The following MACF1 variants were observed in gnomAD, a reference collection of about 807,000 sequenced individuals.
The protein encoded by MACF1 is microtubule-actin cross-linking factor 1.
Under a neutral mutation model 854.8 loss-of-function variants are expected in MACF1, and 193 were observed. That is an observed-to-expected ratio of 0.23 (90% confidence interval 0.20 to 0.25). The LOEUF (loss-of-function observed/expected upper bound fraction) is 0.25. Among genes scored for constraint, MACF1 ranks in the 10% least tolerant of loss-of-function variants. The pLI is 1.00. For synonymous variants in MACF1, 3,185 were observed against 3,226.7 expected (o/e 0.99, Z 0.44); for missense variants, 7,722 against 8,929.1 (o/e 0.86, Z 5.45).
At chr1:39,088,369 G>A (rs980160228) in intron 2 of MACF1, among the ~76,000 whole-genome samples, 3 of 152,174 alleles carry the variant, frequency 2.0e-5, no homozygotes, top group African/African-American at 4.8e-5. Flanking sequence ...GATTACAGGC[G>A]TGAGCCACCG....
At chr1:39,266,005 T>C (rs1425384067) in intron 6 of MACF1, among the ~76,000 whole-genome samples, 3 of 152,192 alleles carry the variant, frequency 2.0e-5, no homozygotes, top group African/African-American at 7.2e-5. Flanking sequence ...AGCTGGGAAG[T>C]TGAACCTAGG....
In MACF1 at chr1:39,331,879, G is replaced by A. The variant is rs755760458; in HGVS notation, c.5291G>A (p.Arg1764Gln). Reference sequence around the variant, plus strand: ...CTAATAGATAGGCAGGTCACTGTCCGGTTGCTGGAAGCTCAGCTTTTTGCT... The same window carrying A: ...CTAATAGATAGGCAGGTCACTGTCCAGTTGCTGGAAGCTCAGCTTTTTGCT... ...EGLIDRQVTV[R>Q]LLEAQLFAGG... Residue 1764 changes from arginine to glutamine, a missense_variant, in exon 37 of 101, where the codon CGG becomes CAG. Around this residue, in one of 15 missense-constraint regions of MACF1, gnomAD observed 1,531 missense variants for 1,601.6 expected, o/e 0.96. Transcript: ENST00000564288. 10 of 1,614,086 alleles carry A rather than the reference G, an allele frequency of 6.2e-6. No homozygotes were observed. Among genetic ancestry groups the A allele is most frequent in the Admixed American group, 3.3e-5 (2 of 60,012 alleles).
chr1:39,380,305 C>T lies in MACF1; in HGVS notation c.13580C>T (p.Ala4527Val). 1 of 1,613,572 alleles carries T rather than the reference C, an allele frequency of 6.2e-7. No homozygotes were observed. The highest frequency in any genetic ancestry group is 1.3e-5 in the African/African-American group (1 of 75,012). Residue 4527 changes from alanine to valine, a missense_variant, in exon 55 of 101, where the codon GCT becomes GTT. Ala to Val is a moderately conservative substitution (Grantham distance 64, BLOSUM62 0). This residue lies in a region of MACF1 where 2,807 missense variants were observed against 3,235.8 expected (regional missense o/e 0.87). Coordinates refer to ENST00000564288, the MANE Select transcript of MACF1 (RefSeq NM_001394062.1). ...ATTCAAAAAGTAAAGGAAGCCCTGG[C>T]TGGATTACTGGTGACATATCCCAAC... ...PKIQKVKEAL[A>V]GLLVTYPNSQ...
chr1:39,460,761 C>T lies in MACF1; in HGVS notation c.21490C>T (p.Arg7164Cys). 2 of 1,614,162 alleles carry T rather than the reference C, an allele frequency of 1.2e-6. No individual in the cohort carries two copies. The highest frequency in any genetic ancestry group is 1.7e-6 in the Non-Finnish European group (2 of 1,180,006). The change falls in exon 92 of 101, where the codon CGT becomes TGT. Residue 7164 changes from arginine to cysteine, a missense_variant. Arg to Cys is a radical substitution (Grantham distance 180, BLOSUM62 -3). Around this residue, in one of 15 missense-constraint regions of MACF1, gnomAD observed 153 missense variants for 342.5 expected, o/e 0.45. Coordinates refer to ENST00000564288, the MANE Select transcript of MACF1 (RefSeq NM_001394062.1). The surrounding 1 kb of genome is among the most constrained non-coding windows in gnomAD (Gnocchi z 4.1). ...TAAGGACCAGGATGGGAAGATAACACGTCAGGAGTTTATCGATGGCATTTT... is the reference window on the plus strand; with the variant it reads ...TAAGGACCAGGATGGGAAGATAACATGTCAGGAGTTTATCGATGGCATTTT... ...IDKDQDGKIT[R>C]QEFIDGILAS... is the part of the protein sequence containing the mutation.
chr1:39,387,115 T>G (rs535640071), intron 57 of MACF1, 72 bp from the exon 58 acceptor site: 1 of 1,527,538 alleles, frequency 6.5e-7, no homozygotes, highest in South Asian at 1.3e-5. Context: ...GATTAGACCG[T>G]ATACTCTCAG....
At chr1:39,171,295 T>C (rs965100294) in intron 2 of MACF1, among the ~76,000 whole-genome samples, 2 of 152,032 alleles carry the variant, frequency 1.3e-5, no homozygotes, top group African/African-American at 2.4e-5. Flanking sequence ...AAAAAATTGA[T>C]CATTGTAAGT....
chr1:39,221,732 C>T (rs1644654835), intron 1 of MACF1, among the ~76,000 whole-genome samples: 1 of 152,188 alleles, frequency 6.6e-6, no homozygotes, highest in Non-Finnish European at 1.5e-5. Flanking sequence ...GGTACCTGCC[C>T]TCTTCTTTAC....
intron 26 of MACF1, among the ~76,000 whole-genome samples, chr1:39,311,911 CT>C (rs1438825367): frequency 2.0e-5 from 3 of 152,088 alleles, no homozygotes; most frequent in African/African-American, 7.2e-5. Flanking sequence ...ATTTTTCTAA[CT>C]TTCTATTTTT....
At chr1:39,360,012 A>AATATATATATAT (rs1188839648) in intron 47 of MACF1, among the ~76,000 whole-genome samples, 11 of 28,826 alleles carry the variant, frequency 3.8e-4, no homozygotes, top group Non-Finnish European at 6.4e-4. Flanking sequence ...AAAAAAAAAA[A>AATATATATATAT]ATATATATAT....
chr1:39,430,592 G>C, intron 65 of MACF1, 110 bp from the exon 66 acceptor site: 1 of 795,064 alleles, frequency 1.3e-6, no homozygotes, highest in Non-Finnish European at 2.1e-6. Flanking sequence ...GAAGGAAGGA[G>C]GTCAGAGTCC....
At chr1:39,369,925 C>T in intron 50 of MACF1, 105 bp from the exon 51 acceptor site, 1 of 1,008,698 alleles carries the variant, frequency 9.9e-7, no homozygotes. Context: ...GAAAGAAAGG[C>T]CATGTTAGGT....
chr1:39,408,249 A>G (rs537443778), intron 58 of MACF1, among the ~76,000 whole-genome samples: 2 of 152,240 alleles, frequency 1.3e-5, no homozygotes, highest in South Asian at 4.2e-4. Flanking sequence ...GAGCAGAGAA[A>G]TCCTGGTGGG....
intron 6 of MACF1, among the ~76,000 whole-genome samples, chr1:39,266,073 G>C (rs1645228156): frequency 6.6e-6 from 1 of 152,128 alleles, no homozygotes; most frequent in African/African-American, 2.4e-5. Flanking sequence ...GGAGCAGAAG[G>C]AAATGAAGGT....
rs1435685470 is a variant in MACF1 at position 39,387,681 on chromosome 1, G to T, written c.14839G>T (p.Ala4947Ser). Residue 4947 changes from alanine (A) to serine (S), a missense_variant, in exon 58 of 101, where the codon GCT (alanine) becomes TCT (serine). Ala to Ser is a moderately conservative substitution (Grantham distance 99, BLOSUM62 1). Coordinates refer to ENST00000564288, the MANE Select transcript of MACF1 (RefSeq NM_001394062.1). The stretch of plus-strand genomic sequence containing the variant: ...AGAGTCCAGTCTCCTAAGATCAAAG[G>T]CTATGCTGAATGAGGTGGAGAAGCG... ...QLESSLLRSK[A>S]MLNEVEKRRS... The T allele has an allele frequency of 1.2e-6, 2 of 1,614,036 alleles. No individual in the cohort carries two copies. The highest frequency in any genetic ancestry group is 1.7e-6 in the Non-Finnish European group (2 of 1,180,036).
At position 39,283,039 on chromosome 1, in the gene MACF1, A is replaced by G. The variant is rs1645582072; in HGVS notation, c.696-150A>G. 1 of 595,982 alleles carries G rather than the reference A, an allele frequency of 1.7e-6. No individual in the cohort carries two copies. The highest frequency in any genetic ancestry group is 3.0e-6 in the Non-Finnish European group (1 of 335,200). 36.9% of individuals were successfully genotyped at this position (595,982 alleles called of 1,614,324 possible). Reference sequence around the variant, plus strand: ...CTGGGCCCCTGGTGTATACTTAAAAATGGAATTTGTACTCTTCTAAACCTC... The same window carrying G: ...CTGGGCCCCTGGTGTATACTTAAAAGTGGAATTTGTACTCTTCTAAACCTC... On this transcript the variant is annotated intron_variant, in intron 7 of 100. Transcript: ENST00000564288. This position sits in a 1 kb window ranked among gnomAD's most constrained non-coding sequence, Gnocchi z 4.5.
At chr1:39,205,809 TTG>T (rs1644443693) in intron 1 of MACF1, among the ~76,000 whole-genome samples, 1 of 152,158 alleles carries the variant, frequency 6.6e-6, no homozygotes, top group Non-Finnish European at 1.5e-5. Context: ...AAATTTTTTT[TTG>T]TAATGGCACC....
intron 1 of MACF1, among the ~76,000 whole-genome samples, chr1:39,226,743 A>ATACT (rs1644720942): frequency 6.6e-6 from 1 of 152,266 alleles, no homozygotes; most frequent in African/African-American, 2.4e-5. Context: ...CCTCCTTTAA[A>ATACT]TACTTACTAG....
At chr1:39,322,393 T>G (rs1646531019) in intron 31 of MACF1, among the ~76,000 whole-genome samples, 1 of 152,242 alleles carries the variant, frequency 6.6e-6, no homozygotes, top group Non-Finnish European at 1.5e-5. Context: ...AACCACACCC[T>G]TTCATCTATA....
At chr1:39,114,186 T>TG (rs1012620265) in intron 2 of MACF1, among the ~76,000 whole-genome samples, 6 of 151,362 alleles carry the variant, frequency 4.0e-5, no homozygotes, top group African/African-American at 9.7e-5. Context: ...TTTACTGTTT[T>TG]TTTTTTTTTT....
Sources: allele counts gnomAD v4.1 joint callset (sites outside exome capture counted in the v4.1 genomes callset), GRCh38; gene constraint gnomAD v4.1.1; regional missense constraint gnomAD v4.1.1; non-coding constraint Gnocchi (gnomAD v3.1); transcripts MANE v1.5; gene names NCBI Gene and HGNC (gene_info 2026-07-23, HGNC 2026-07-21).